PLK1: variants seen among roughly 807,000 people sequenced by gnomAD.
The protein encoded by PLK1 is serine/threonine-protein kinase PLK1.
PLK1 carries 6 observed loss-of-function variants against 56.7 expected under a neutral mutation model. The observed-to-expected ratio is 0.11, with a 90% CI of 0.06 to 0.21. The LOEUF (loss-of-function observed/expected upper bound fraction) is 0.21, where lower values mean the gene tolerates loss of function less well. Ranked by LOEUF, PLK1 falls within the 10% of genes least tolerant of loss-of-function variation. PLK1 has a pLI of 1.00. For synonymous variants in PLK1, 298 were observed against 325.0 expected, an observed-to-expected ratio of 0.92 and a Z score of 0.89; for missense variants, 546 against 814.4, an observed-to-expected ratio of 0.67 and a Z score of 4.01.
chr16:23,682,246 G>A (rs1959344362), intron 4 of PLK1, 89 bp downstream of exon 4: 4 of 736,852 alleles, frequency 5.4e-6, no homozygotes, highest in Non-Finnish European at 7.2e-6. Context: ...CCAGAAATAG[G>A]TCTATCCCAC....
rs757775507 is a variant in PLK1, at chr16:23,680,939, C to A, written c.603C>A (p.Val201=). 3.7e-6 allele frequency: 6 copies of A among 1,610,622 alleles called. No homozygotes were observed. The Admixed American group carries it at 6.8e-5, about 18-fold the overall frequency. The part of the protein sequence containing the change: ...KIGDFGLATK[V]EYDGERKKTL... ...GGGATTTTGGACTGGCAACCAAAGT[C>A]GAATATGACGGGGAGAGGAAGAAGA... Residue 201 remains valine, a synonymous_variant, in exon 3 of 10, where the codon GTC becomes GTA. Transcript: ENST00000300093.
chr16:23,688,504 A>C (rs988854139), intron 6 of PLK1, among the ~76,000 whole-genome samples, 164 bp from the exon 7 acceptor site: 5 of 152,240 alleles, frequency 3.3e-5, no homozygotes, highest in African/African-American at 1.2e-4. Context: ...GCCTGCTGGC[A>C]GCAGAGGCCC....
Position 23,689,981 on chromosome 16 carries a change from C to T in PLK1, c.1730C>T (p.Ala577Val). The change falls in exon 10 of 10, where the codon GCC becomes GTC. Residue 577 changes from alanine (A) to valine (V), a missense_variant. Coordinates refer to ENST00000300093, the MANE Select transcript of PLK1 (RefSeq NM_005030.6). The surrounding 1 kb of genome is among the most constrained non-coding windows in gnomAD (Gnocchi z 4.8). ...GAGTACGGCTGCTGCAAGGAGCTGGCCAGCCGGCTCCGCTACGCCCGCACT... is the reference window on the plus strand; with the variant it reads ...GAGTACGGCTGCTGCAAGGAGCTGGTCAGCCGGCTCCGCTACGCCCGCACT... ...LEEYGCCKEL[A>V]SRLRYARTMV... The T allele has an allele frequency of 6.2e-7, 1 of 1,613,754 alleles. No individual in the cohort carries two copies. The highest frequency in any genetic ancestry group is 8.5e-7 in the Non-Finnish European group (1 of 1,179,968).
chr16:23,679,963 C>T (rs1450245866), intron 1 of PLK1, 121 bp from the exon 2 acceptor site: 4 of 664,716 alleles, frequency 6.0e-6, no homozygotes, highest in East Asian at 2.7e-5. Context: ...CAAGACCCCT[C>T]TTTCATCCCT....
chr16:23,682,217 G>C (rs932446713), intron 4 of PLK1, 60 bp downstream of exon 4: 2 of 929,952 alleles, frequency 2.2e-6, no homozygotes. Flanking sequence ...TGTTTATGGA[G>C]CCCAGCAATA....
At chr16:23,684,971 T>G (rs1440653482) in intron 5 of PLK1, among the ~76,000 whole-genome samples, 2 of 103,294 alleles carry the variant, frequency 1.9e-5, no homozygotes, top group African/African-American at 9.4e-5. Context: ...TTTTTTTTTT[T>G]TTTTTTTTTT....
At chr16:23,682,208 GT>G in intron 4 of PLK1, 51 bp downstream of exon 4, 1 of 1,026,528 alleles carries the variant, frequency 9.7e-7, no homozygotes, top group Non-Finnish European at 1.5e-6. Context: ...CCCAGAAGCT[GT>G]TTATGGAGCC....
chr16:23,680,328 A>G, intron 2 of PLK1, 76 bp downstream of exon 2: 1 of 1,279,286 alleles, frequency 7.8e-7, no homozygotes, highest in Non-Finnish European at 1.1e-6. Flanking sequence ...GGAGAAAGGA[A>G]GGAGACAACC....
chr16:23,686,031 C>A (rs1047741992), intron 5 of PLK1, among the ~76,000 whole-genome samples: 1 of 152,084 alleles, frequency 6.6e-6, no homozygotes, highest in Non-Finnish European at 1.5e-5. Flanking sequence ...ACTTATTTCT[C>A]TGCTTTTATT....
intron 4 of PLK1, among the ~76,000 whole-genome samples, chr16:23,682,418 G>A (rs557193268): frequency 2.0e-5 from 3 of 152,240 alleles, no homozygotes; most frequent in Non-Finnish European, 4.4e-5. Context: ...AACAAAGGAG[G>A]TAGGAAGGAG....
rs1307745072 is a variant in PLK1, at chr16:23,687,517, T to G, written c.1085T>G (p.Val362Gly). 1.2e-6 allele frequency: 2 copies of G among 1,600,454 alleles called. No homozygotes were observed. The highest frequency in any genetic ancestry group is 1.7e-6 in the Non-Finnish European group (2 of 1,172,188). Residue 362 changes from valine to glycine, a missense_variant, in exon 6 of 10, where the codon GTG (valine) becomes GGG (glycine). Val to Gly is a moderately radical substitution (Grantham distance 109, BLOSUM62 -3). This residue lies in a region of PLK1 where 157 missense variants were observed against 184.0 expected (regional missense o/e 0.85). Transcript: ENST00000300093. ...CGTCCCCGGGAAAAAGAAGAACCAG[T>G]GGTTCGAGAGACAGGTGAGGTGGTC... Reference protein sequence around the residue: ...PERPREKEEPVVRETGEVVDC... With the variant: ...PERPREKEEPGVRETGEVVDC...
At position 23,687,453 on chromosome 16, in the gene PLK1, T is replaced by C. The variant is rs762304151; in HGVS notation, c.1037-16T>C. ...CCGTGCCCTTCCCAACGCCCCTGTT[T>C]TTGTCACCTTCCTAGGCTTGGAGAA... On this transcript the variant is annotated splice_polypyrimidine_tract_variant and intron_variant, in intron 5 of 9. Transcript: ENST00000300093. 2.0e-5 allele frequency: 31 copies of C among 1,540,984 alleles called. No homozygotes were observed. The highest frequency in any genetic ancestry group is 1.1e-4 in the Admixed American group (6 of 53,872).
At chr16:23,683,772 G>T (rs965657433) in intron 4 of PLK1, 98 bp from the exon 5 acceptor site, 10 of 870,954 alleles carry the variant, frequency 1.1e-5, no homozygotes, top group South Asian at 1.4e-5. Flanking sequence ...GAGACTGGGG[G>T]CTGCATGTGG....
rs1227712165 is a variant in PLK1, at chr16:23,687,541, T to G, written c.1109T>G (p.Val370Gly). ...EPVVRETGEVVDCHLSDMLQQ... is the reference protein window; with the variant it reads ...EPVVRETGEVGDCHLSDMLQQ... ...GTGGTTCGAGAGACAGGTGAGGTGG[T>G]CGACTGCCACCTCAGTGACATGCTG... is the stretch of plus-strand genomic sequence containing the variant. Residue 370 changes from valine to glycine, a missense_variant, in exon 6 of 10, where the codon GTC becomes GGC. By Grantham distance (109) the Val-to-Gly change is moderately radical. This residue lies in a region of PLK1 where 157 missense variants were observed against 184.0 expected (regional missense o/e 0.85). Coordinates refer to ENST00000300093, the MANE Select transcript of PLK1 (RefSeq NM_005030.6). The G allele has an allele frequency of 6.2e-7, 1 of 1,603,728 alleles. No individual in the cohort carries two copies. Among genetic ancestry groups the G allele is most frequent in the Non-Finnish European group, 8.5e-7 (1 of 1,173,980 alleles).
chr16:23,680,793 A>G, intron 2 of PLK1, 121 bp from the exon 3 acceptor site: 1 of 934,214 alleles, frequency 1.1e-6, no homozygotes, highest in South Asian at 1.7e-5. Context: ...ACATACAAGG[A>G]GCAGAGGCTT....
chr16:23,682,087 C>T lies in PLK1; in HGVS notation c.746C>T (p.Pro249Leu), dbSNP rs751899280. ...AGGTATACCTTGTTAGTGGGCAAAC[C>T]ACCTTTTGAGACTTCTTGCCTAAAA... ...CIMYTLLVGK[P>L]PFETSCLKET... The change falls in exon 4 of 10, where the codon CCA becomes CTA. Residue 249 changes from proline (P) to leucine (L), a missense_variant. Transcript: ENST00000300093. 1 of 1,607,266 alleles carries T rather than the reference C, an allele frequency of 6.2e-7. No homozygotes were observed. The highest frequency in any genetic ancestry group is 1.3e-5 in the African/African-American group (1 of 74,882).
At chr16:23,686,624 C>G (rs1410272259) in intron 5 of PLK1, among the ~76,000 whole-genome samples, 1 of 152,178 alleles carries the variant, frequency 6.6e-6, no homozygotes, top group Non-Finnish European at 1.5e-5. Flanking sequence ...TCCCAAGTAG[C>G]TAGGACTACA....
intron 5 of PLK1, 84 bp from the exon 6 acceptor site, chr16:23,687,385 A>G (rs1959444932): frequency 1.7e-6 from 2 of 1,176,296 alleles, no homozygotes; most frequent in Admixed American, 5.2e-5. Flanking sequence ...GGTAGCTAAG[A>G]GAATTTTTCT....
intron 5 of PLK1, among the ~76,000 whole-genome samples, chr16:23,686,699 C>T (rs1321055063): frequency 2.6e-5 from 4 of 152,166 alleles, no homozygotes; most frequent in Non-Finnish European, 4.4e-5. Flanking sequence ...CCATGTTGCT[C>T]AGGCTGGTCT....
Sources: allele counts gnomAD v4.1 joint callset (sites outside exome capture counted in the v4.1 genomes callset), GRCh38; gene constraint gnomAD v4.1.1; regional missense constraint gnomAD v4.1.1; non-coding constraint Gnocchi (gnomAD v3.1); transcripts MANE v1.5; gene names NCBI Gene and HGNC (gene_info 2026-07-23, HGNC 2026-07-21).